The following CCDC150 variants were observed in gnomAD, a reference collection of about 807,000 sequenced individuals.
CCDC150 encodes the protein coiled-coil domain-containing protein 150.
In CCDC150, 151 loss-of-function variants were observed where a neutral mutation model predicts 156.5. The ratio of observed to expected loss-of-function variants is 0.97; its 90% CI spans 0.85 to 1.10. CCDC150 has a LOEUF of 1.10. Among genes scored for constraint, CCDC150 ranks in the 50% least tolerant of loss-of-function variants. The pLI, the probability that CCDC150 is intolerant of heterozygous loss-of-function variation, is 0.00. For synonymous variants in CCDC150, 452 were observed against 429.4 expected (o/e 1.05, Z -0.65); for missense variants, 1,312 against 1,268.1 (o/e 1.03, Z -0.53).
At chr2:196,656,350 C>A (rs75916892) in intron 2 of CCDC150, among the ~76,000 whole-genome samples, 4,068 of 152,096 alleles carry the variant, frequency 0.027, 63 homozygotes, top group Middle Eastern at 0.075. Context: ...GCTTTTCCTA[C>A]CTAGTCAATG....
At chr2:196,677,833 T>TA (rs1218773519) in intron 13 of CCDC150, among the ~76,000 whole-genome samples, 4 of 151,774 alleles carry the variant, frequency 2.6e-5, no homozygotes, top group Admixed American at 6.6e-5. Flanking sequence ...TCTACTAAAA[T>TA]ACAAAAATTA....
chr2:196,676,460 T>C, intron 11 of CCDC150, 94 bp from the exon 12 acceptor site: 2 of 1,324,206 alleles, frequency 1.5e-6, no homozygotes, highest in Non-Finnish European at 2.1e-6. Flanking sequence ...CTACTCTCAG[T>C]CAGGAAATAT....
intron 5 of CCDC150, among the ~76,000 whole-genome samples, chr2:196,660,533 T>A (rs1693500376): frequency 1.3e-5 from 2 of 152,238 alleles, no homozygotes; most frequent in South Asian, 4.1e-4. Context: ...TGGCATCCTG[T>A]TTTGATTTGC....
At chr2:196,650,316 T>A (rs552354703) in intron 2 of CCDC150, among the ~76,000 whole-genome samples, 2 of 152,374 alleles carry the variant, frequency 1.3e-5, no homozygotes, top group Admixed American at 1.3e-4. Context: ...CGTGTTGAAC[T>A]GTTGTTGCAT....
chr2:196,691,929 A>G (rs1475053264), intron 13 of CCDC150, among the ~76,000 whole-genome samples: 3 of 152,128 alleles, frequency 2.0e-5, no homozygotes, highest in African/African-American at 7.2e-5. Context: ...CAACAGAGCA[A>G]GACTCCATCT....
chr2:196,680,432 G>A (rs909722337), intron 13 of CCDC150, among the ~76,000 whole-genome samples: 1 of 152,064 alleles, frequency 6.6e-6, no homozygotes, highest in African/African-American at 2.4e-5. Context: ...CTCCTGAGTA[G>A]CTGGGACTGC....
chr2:196,646,665 G>A (rs1420457735), intron 2 of CCDC150, among the ~76,000 whole-genome samples, 161 bp downstream of exon 2: 2 of 152,124 alleles, frequency 1.3e-5, no homozygotes, highest in African/African-American at 4.8e-5. Flanking sequence ...AAGAGTTGTC[G>A]TTCTGTGATA....
At chr2:196,682,913 T>TG (rs1312454196) in intron 13 of CCDC150, among the ~76,000 whole-genome samples, 3 of 152,120 alleles carry the variant, frequency 2.0e-5, no homozygotes, top group African/African-American at 7.2e-5. Flanking sequence ...TTTGTTCTGT[T>TG]GCCTGGCTGG....
chr2:196,650,549 A>G (rs1310108121), intron 2 of CCDC150, among the ~76,000 whole-genome samples: 2 of 152,118 alleles, frequency 1.3e-5, no homozygotes, highest in Non-Finnish European at 2.9e-5. Context: ...AAGTGCCACC[A>G]CGCCTGGCTA....
chr2:196,666,966 G>C, intron 7 of CCDC150, 118 bp downstream of exon 7: 1 of 1,070,496 alleles, frequency 9.3e-7, no homozygotes, highest in Non-Finnish European at 1.4e-6. Context: ...CCACAGTGCT[G>C]TATGTAAAAC....
At position 196,715,879 on chromosome 2, in the gene CCDC150, A is replaced by G. The variant is rs145330948; in HGVS notation, c.1867-2624A>G. 5.5e-3 allele frequency among the ~76,000 whole-genome samples: 837 copies of G among 152,316 alleles called. 4 individuals carry two copies. Among genetic ancestry groups the G allele is most frequent in the African/African-American group, 0.019 (810 of 41,578 alleles). On this transcript the variant is annotated intron_variant, in intron 17 of 27. Coordinates refer to ENST00000389175, the MANE Select transcript of CCDC150 (RefSeq NM_001080539.2). ...GATAAATTGGAGTTTATCAAAATTG[A>G]CAACTTATGCTCTTCAGAAACATTA...
intron 13 of CCDC150, among the ~76,000 whole-genome samples, chr2:196,687,151 G>A (rs1695170970): frequency 6.6e-6 from 1 of 152,074 alleles, no homozygotes; most frequent in Admixed American, 6.5e-5. Flanking sequence ...TGGGTCAAAT[G>A]GTATTTCTGT....
At chr2:196,700,564 G>A (rs577928969) in intron 14 of CCDC150, among the ~76,000 whole-genome samples, 32 of 152,292 alleles carry the variant, frequency 2.1e-4, no homozygotes, top group Non-Finnish European at 2.8e-4. Context: ...ATGTAATTTC[G>A]TGAAATATGA....
At chr2:196,713,953 A>G (rs1697313584) in intron 17 of CCDC150, among the ~76,000 whole-genome samples, 1 of 152,202 alleles carries the variant, frequency 6.6e-6, no homozygotes, top group Non-Finnish European at 1.5e-5. Flanking sequence ...TAATCTTAAC[A>G]TTTGAGCTAA....
chr2:196,661,682 A>T (rs915747889), intron 5 of CCDC150, among the ~76,000 whole-genome samples: 1 of 152,206 alleles, frequency 6.6e-6, no homozygotes, highest in Non-Finnish European at 1.5e-5. Flanking sequence ...TAATAAATAT[A>T]TATAAAATAG....
chr2:196,716,712 G>A (rs1697525005), intron 17 of CCDC150, among the ~76,000 whole-genome samples: 1 of 152,028 alleles, frequency 6.6e-6, no homozygotes, highest in Non-Finnish European at 1.5e-5. Flanking sequence ...TTATACGTAT[G>A]TGAAAACTTA....
At chr2:196,673,976 G>A (rs1168208480) in intron 9 of CCDC150, among the ~76,000 whole-genome samples, 2 of 152,086 alleles carry the variant, frequency 1.3e-5, no homozygotes, top group Admixed American at 1.3e-4. Flanking sequence ...GTTCAAATTT[G>A]TGAAGAACAG....
intron 16 of CCDC150, 44 bp downstream of exon 16, chr2:196,712,296 T>C: frequency 9.3e-7 from 1 of 1,077,734 alleles, no homozygotes; most frequent in South Asian, 1.6e-5. Context: ...TATATTTCGT[T>C]TTTAAGAAAT....
Position 196,719,601 on chromosome 2 carries a change from T to C in CCDC150, c.2100T>C (p.Ala700=). 4 of 1,613,508 alleles carry C rather than the reference T, an allele frequency of 2.5e-6. No individual in the cohort carries two copies. Among genetic ancestry groups the C allele is most frequent in the Non-Finnish European group, 3.4e-6 (4 of 1,179,712 alleles). Residue 700 remains alanine, a synonymous_variant, in exon 19 of 28, where the codon GCT becomes GCC. Transcript: ENST00000389175. ...CTTCTCACAGTAAGATGCAAGGTGC[T>C]CTGGAGAAAGTACAAATAGAGCTTG... ...VLASHSKMQG[A]LEKVQIELGR...
Sources: gnomAD v4.1 joint callset for allele counts (sites outside exome capture counted in the v4.1 genomes callset) on GRCh38, gnomAD v4.1.1 for gene constraint, MANE v1.5 for transcripts, NCBI Gene and HGNC (gene_info 2026-07-23, HGNC 2026-07-21) for gene names.